The following MYCT1 variants were observed in gnomAD, a reference collection of about 807,000 sequenced individuals.
MYCT1 encodes the protein MYC target 1.
MYCT1 carries 12 observed loss-of-function variants against 15.0 expected under a neutral mutation model. The observed-to-expected ratio is 0.80, with a 90% CI of 0.51 to 1.29. The LOEUF (loss-of-function observed/expected upper bound fraction) is 1.29, where lower values mean the gene tolerates loss of function less well. Ranked by LOEUF, MYCT1 falls within the 50% of genes most tolerant of loss-of-function variation. The probability of loss-of-function intolerance (pLI) is 0.00; values close to 1 mark genes in which losing one functional copy is unlikely to be tolerated. For synonymous variants in MYCT1, 104 were observed against 102.7 expected (o/e 1.01, Z -0.07); for missense variants, 287 against 279.1 (o/e 1.03, Z -0.20).
the MYCT1 span, among the ~76,000 whole-genome samples, chr6:152,736,449 C>T: frequency 1.3e-5 from 2 of 152,068 alleles, no homozygotes; most frequent in Non-Finnish European, 2.9e-5. Context: ...CTTCCGTGGT[C>T]CTGTGAGGGG....
Position 152,698,037 on chromosome 6 carries a change from T to C in MYCT1, c.135T>C (p.Leu45=). The C allele has an allele frequency of 6.2e-7, 1 of 1,610,334 alleles. No homozygotes were observed. Among genetic ancestry groups the C allele is most frequent in the South Asian group, 1.1e-5 (1 of 90,132 alleles). The change falls in exon 1 of 2, where the codon CTT becomes CTC. Residue 45 remains leucine, a synonymous_variant. Transcript: ENST00000367245. ...TTTTTCTTCTCTTTCTTCTATTTCT[T>C]GTGGATATTATGGCTAATAACACAA... ...LSVFLLFLLF[L]VDIMANNTTS... is the part of the protein sequence containing the mutation.
intron 1 of MYCT1, among the ~76,000 whole-genome samples, chr6:152,715,651 G>A (rs1384335816): frequency 1.3e-5 from 2 of 152,194 alleles, no homozygotes; most frequent in Non-Finnish European, 2.9e-5. Flanking sequence ...GGCTTCAGAG[G>A]TGGGACAGGG....
Position 152,720,361 on chromosome 6 carries a change from C to A in MYCT1, c.197-1381C>A, listed in dbSNP as rs537848166. Among the ~76,000 whole-genome samples, 4 of 152,094 alleles carry A rather than the reference C, an allele frequency of 2.6e-5. No homozygotes were observed. In the East Asian group the frequency reaches 5.8e-4, roughly 22 times the overall value. ...GCAAGTCATGAAGCCTGCCCAGATT[C>A]AAGGGGTGGGGAAATAGACTCTATC... On this transcript the variant is annotated intron_variant, in intron 1 of 1. Transcript: ENST00000367245.
intron 1 of MYCT1, among the ~76,000 whole-genome samples, chr6:152,707,580 T>C (rs1162522727): frequency 6.6e-6 from 1 of 151,950 alleles, no homozygotes; most frequent in African/African-American, 2.4e-5. Flanking sequence ...CCCAGATCAA[T>C]ATCAAGCTTT....
downstream of MYCT1, among the ~76,000 whole-genome samples, chr6:152,728,178 A>C: frequency 6.7e-6 from 1 of 148,778 alleles, no homozygotes; most frequent in African/African-American, 2.4e-5. Flanking sequence ...AAAAAAAAAA[A>C]GGAAAAAGCA....
In MYCT1 at chr6:152,724,238, T is replaced by A. The variant is rs2129071141; in HGVS notation, c.*1985T>A. 6.6e-6 allele frequency: 1 copy of A among 151,566 alleles called. No homozygotes were observed. Among genetic ancestry groups the A allele is most frequent in the East Asian group, 1.9e-4 (1 of 5,176 alleles). The allele number at this position is 151,566 out of a possible 1,614,324, so 9.4% of individuals were successfully genotyped here. On this transcript the variant is annotated 3_prime_UTR_variant, in exon 2 of 2. Coordinates refer to ENST00000367245, the MANE Select transcript of MYCT1 (RefSeq NM_025107.3). ...TTAACTTGGTATCAGGGCTACTTTT[T>A]TTTTTTTTTTTTTACTTGCATGTCA...
At chr6:152,740,970 C>T in the MYCT1 span, among the ~76,000 whole-genome samples, 1 of 152,064 alleles carries the variant, frequency 6.6e-6, no homozygotes, top group African/African-American at 2.4e-5. Context: ...CTTTTTATTT[C>T]CTGTGATAAA....
the MYCT1 span, among the ~76,000 whole-genome samples, chr6:152,732,444 T>C: frequency 3.9e-5 from 4 of 103,240 alleles, no homozygotes; most frequent in African/African-American, 1.0e-4. Context: ...AAATTAGCTG[T>C]AGAGAAAAGT....
At chr6:152,745,141 C>T in the MYCT1 span, among the ~76,000 whole-genome samples, 6 of 152,274 alleles carry the variant, frequency 3.9e-5, no homozygotes, top group South Asian at 6.2e-4. Flanking sequence ...GGTCCCAGGG[C>T]CTCTTTGAAA....
chr6:152,746,151 A>C, the MYCT1 span, among the ~76,000 whole-genome samples: 1 of 152,224 alleles, frequency 6.6e-6, no homozygotes, highest in Non-Finnish European at 1.5e-5. Flanking sequence ...TCTTAAGGTT[A>C]AAAGCCAGAA....
the MYCT1 span, among the ~76,000 whole-genome samples, chr6:152,732,918 C>T: frequency 1.3e-5 from 2 of 152,200 alleles, no homozygotes; most frequent in Non-Finnish European, 2.9e-5. Flanking sequence ...AAAGTTAAAA[C>T]ATTAGCGCCT....
intron 1 of MYCT1, among the ~76,000 whole-genome samples, chr6:152,719,193 A>T (rs185240011): frequency 6.6e-6 from 1 of 152,334 alleles, no homozygotes; most frequent in African/African-American, 2.4e-5. Flanking sequence ...ACTAAAGGCT[A>T]TTGATTCATG....
chr6:152,718,780 A>T (rs2099724189), intron 1 of MYCT1, among the ~76,000 whole-genome samples: 1 of 151,962 alleles, frequency 6.6e-6, no homozygotes, highest in African/African-American at 2.4e-5. Context: ...TTCTCCTTTC[A>T]GATTCTGGTT....
chr6:152,731,540 G>A, the MYCT1 span, among the ~76,000 whole-genome samples: 4 of 152,004 alleles, frequency 2.6e-5, no homozygotes, highest in African/African-American at 9.7e-5. Context: ...CCCACGACAG[G>A]CCCTGGTGTG....
At chr6:152,714,012 T>C (rs1349296932) in intron 1 of MYCT1, among the ~76,000 whole-genome samples, 1 of 152,086 alleles carries the variant, frequency 6.6e-6, no homozygotes, top group African/African-American at 2.4e-5. Flanking sequence ...TTTTTTATAT[T>C]GTTTTCAGTG....
chr6:152,726,546 C>T (rs548985155), downstream of MYCT1, among the ~76,000 whole-genome samples: 13 of 150,488 alleles, frequency 8.6e-5, no homozygotes, highest in South Asian at 2.7e-3. Flanking sequence ...TTCTAAATCA[C>T]AGTTCGGTGT....
At chr6:152,734,591 C>G in the MYCT1 span, among the ~76,000 whole-genome samples, 7 of 152,124 alleles carry the variant, frequency 4.6e-5, no homozygotes, top group Non-Finnish European at 1.0e-4. Flanking sequence ...TGCATGCATG[C>G]TTTTCCACAG....
downstream of MYCT1, among the ~76,000 whole-genome samples, chr6:152,727,226 A>AT (rs68083092): frequency 0.48 from 71,334 of 148,498 alleles, 19,537 homozygotes; most frequent in Non-Finnish European, 0.61. Context: ...AAAAAAAAAA[A>AT]TATGGAAAGA....
chr6:152,728,901 G>C (rs144869002), downstream of MYCT1, among the ~76,000 whole-genome samples: 1 of 152,102 alleles, frequency 6.6e-6, no homozygotes, highest in Non-Finnish European at 1.5e-5. Context: ...GTGAGACCCT[G>C]TCTCAAATAA....
Sources: gnomAD v4.1 joint callset for allele counts (sites outside exome capture counted in the v4.1 genomes callset) on GRCh38, gnomAD v4.1.1 for gene constraint, MANE v1.5 for transcripts, NCBI Gene and HGNC (gene_info 2026-07-23, HGNC 2026-07-21) for gene names.